The following CPNE1 variants were observed in gnomAD, a reference collection of about 807,000 sequenced individuals.
CPNE1 encodes the protein copine-1.
A neutral mutation model predicts 63.2 loss-of-function variants in CPNE1; 58 were observed. The ratio of observed to expected loss-of-function variants is 0.92; its 90% CI spans 0.74 to 1.14. The LOEUF is 1.14. Ranked by LOEUF, CPNE1 falls within the 50% of genes most tolerant of loss-of-function variation. The pLI, the probability that CPNE1 is intolerant of heterozygous loss-of-function variation, is 0.00. For synonymous variants in CPNE1, 237 were observed against 249.0 expected (o/e 0.95, Z 0.45); for missense variants, 672 against 661.7 (o/e 1.02, Z -0.17).
rs1446271670 is a variant in CPNE1 at position 35,631,720 on chromosome 20, A to T, written c.595T>A (p.Phe199Ile). 1 of 1,614,032 alleles carries T rather than the reference A, an allele frequency of 6.2e-7. No homozygotes were observed. The highest frequency in any genetic ancestry group is 8.5e-7 in the Non-Finnish European group (1 of 1,179,978). The change falls in exon 7 of 16, where the codon TTC becomes ATC. Residue 199 changes from phenylalanine (F) to isoleucine (I), a missense_variant. Coordinates refer to ENST00000397443, the MANE Select transcript of CPNE1 (RefSeq NM_152925.3). ...GGTGTGCTGGGGTTCCCACCACAGA[A>T]ATGCTGAACGGGGACTGAGAAACGC... ...WKRFSVPVQHFCGGNPSTPIQ... is the reference protein window; with the variant it reads ...WKRFSVPVQHICGGNPSTPIQ...
chr20:35,639,953 C>G (rs942162091), intron 1 of CPNE1, among the ~76,000 whole-genome samples: 2 of 152,176 alleles, frequency 1.3e-5, no homozygotes, highest in Admixed American at 1.3e-4. Context: ...CAGAATCAAA[C>G]CCCAGCCATA....
At chr20:35,655,161 C>G (rs1228725956) in intron 1 of CPNE1, 1 of 1,614,080 alleles carries the variant, frequency 6.2e-7, no homozygotes, top group Non-Finnish European at 8.5e-7. Context: ...TCATACCAAG[C>G]CTTGCATCTT....
At chr20:35,632,774 A>C in intron 2 of CPNE1, 21 bp downstream of exon 2, 1 of 871,610 alleles carries the variant, frequency 1.1e-6, no homozygotes, top group Non-Finnish European at 2.0e-6. Flanking sequence ...CCACAACCTT[A>C]ACCTCCATAA....
Position 35,626,282 on chromosome 20 carries a change from G to A in CPNE1, c.1573C>T (p.Pro525Ser). The A allele has an allele frequency of 1.9e-6, 3 of 1,614,020 alleles. No homozygotes were observed. The highest frequency in any genetic ancestry group is 2.2e-5 in the East Asian group (1 of 44,876). The stretch of plus-strand genomic sequence containing the variant: ...TGTGCAGGATCCTTGGCTGAGGGTG[G>A]AAGTGGCTTGAGCGGGGCCCAACCC... Reference protein sequence around the residue: ...AQGWAPLKPLPPSAKDPAQAP... With the variant: ...AQGWAPLKPLSPSAKDPAQAP... The change falls in exon 16 of 16, where the codon CCA (proline) becomes TCA (serine). Residue 525 changes from proline to serine, a missense_variant. By Grantham distance (74) the Pro-to-Ser change is moderately conservative. Coordinates refer to ENST00000397443, the MANE Select transcript of CPNE1 (RefSeq NM_152925.3).
rs776244571 is a variant in CPNE1, at chr20:35,626,310, G to A, written c.1545C>T (p.Ala515=). The change falls in exon 16 of 16, where the codon GCC becomes GCT. Residue 515 remains alanine, a synonymous_variant. Transcript: ENST00000397443. ...GTGGCTTGAGCGGGGCCCAACCCTGGGCCCTGAAGTATGAGACCAGTTGTG... is the reference window on the plus strand; with the variant it reads ...GTGGCTTGAGCGGGGCCCAACCCTGAGCCCTGAAGTATGAGACCAGTTGTG... ...VPTQLVSYFR[A]QGWAPLKPLP... The A allele has an allele frequency of 1.9e-6, 3 of 1,613,916 alleles. No individual in the cohort carries two copies. The highest frequency in any genetic ancestry group is 1.7e-5 in the Admixed American group (1 of 60,000).
At chr20:35,630,397 TTG>T (rs2032040970) in intron 13 of CPNE1, 40 bp downstream of exon 13, 2 of 1,564,072 alleles carry the variant, frequency 1.3e-6, no homozygotes, top group Non-Finnish European at 1.8e-6. Context: ...TTGCCCCTCT[TTG>T]TGTGGACAGA....
At chr20:35,659,109 C>A in intron 1 of CPNE1, 2 of 509,558 alleles carry the variant, frequency 3.9e-6, no homozygotes, top group Admixed American at 3.8e-5. Flanking sequence ...GAGTCTGAAA[C>A]CACCAGAGTA....
In CPNE1 at chr20:35,626,331, T is replaced by G; in HGVS notation, c.1524A>C (p.Gln508His). ...CCTGGGCCCTGAAGTATGAGACCAG[T>G]TGTGTGGGCACTTCTGCGAGCACGG... Reference protein sequence around the residue: ...AQTVLAEVPTQLVSYFRAQGW... With the variant: ...AQTVLAEVPTHLVSYFRAQGW... Residue 508 changes from glutamine to histidine, a missense_variant, in exon 16 of 16, where the codon CAA becomes CAC. Physicochemically the swap from Gln to His is conservative, Grantham distance 24. Transcript: ENST00000397443. 3 of 1,614,022 alleles carry G rather than the reference T, an allele frequency of 1.9e-6. No individual in the cohort carries two copies. Among genetic ancestry groups the G allele is most frequent in the Non-Finnish European group, 2.5e-6 (3 of 1,179,980 alleles).
intron 1 of CPNE1, among the ~76,000 whole-genome samples, chr20:35,658,492 G>A (rs149517316): frequency 8.6e-4 from 131 of 152,238 alleles, no homozygotes; most frequent in African/African-American, 3.0e-3. Context: ...CCTGGGTGGC[G>A]GCTCATGCCT....
rs1488382208 is a variant in CPNE1, at chr20:35,631,974, C to T, written c.508G>A (p.Gly170Arg). Reference sequence around the variant, plus strand: ...GATCTGTACACCAGGTGCCATTTCCCATCACCCTGGCGGAAGAACTCCAGA... The same window carrying T: ...GATCTGTACACCAGGTGCCATTTCCTATCACCCTGGCGGAAGAACTCCAGA... Reference protein sequence around the residue: ...PFLEFFRQGDGKWHLVYRSEV... With the variant: ...PFLEFFRQGDRKWHLVYRSEV... Residue 170 changes from glycine (G) to arginine (R), a missense_variant, in exon 6 of 16, where the codon GGG (glycine) becomes AGG (arginine). Physicochemically the swap from Gly to Arg is moderately radical, Grantham distance 125. Coordinates refer to ENST00000397443, the MANE Select transcript of CPNE1 (RefSeq NM_152925.3). 6.2e-7 allele frequency: 1 copy of T among 1,614,112 alleles called. No homozygotes were observed. The highest frequency in any genetic ancestry group is 2.2e-5 in the East Asian group (1 of 44,872).
intron 1 of CPNE1, chr20:35,651,864 C>T (rs2033545745): frequency 6.6e-6 from 1 of 152,514 alleles, no homozygotes. Context: ...GGTTATAGCA[C>T]AAACGAAGTG....
chr20:35,653,533 T>C (rs750141339), intron 1 of CPNE1: 1 of 1,614,138 alleles, frequency 6.2e-7, no homozygotes, highest in African/African-American at 1.3e-5. Flanking sequence ...CTTACGTGCA[T>C]CATCTTCATT....
intron 1 of CPNE1, chr20:35,654,103 G>A (rs2033732179): frequency 5.6e-6 from 9 of 1,614,216 alleles, no homozygotes; most frequent in Non-Finnish European, 7.6e-6. Flanking sequence ...CCTGGGAAGT[G>A]TCTGAGGAGG....
In CPNE1 at chr20:35,630,777, T is replaced by C. The variant is rs1057472442; in HGVS notation, c.1014A>G (p.Ala338=). ...GGGGAACCTGGGCCCCAAATCCAAA[T>C]GCAGGGAACAGCTTGTCTCTGTGGG... The part of the protein sequence containing the change: ...QDYDSDKLFP[A]FGFGAQVPPD... The change falls in exon 12 of 16, where the codon GCA becomes GCG. Residue 338 remains alanine (A), a synonymous_variant. Coordinates refer to ENST00000397443, the MANE Select transcript of CPNE1 (RefSeq NM_152925.3). 1 of 1,613,506 alleles carries C rather than the reference T, an allele frequency of 6.2e-7. No homozygotes were observed. Among genetic ancestry groups the C allele is most frequent in the East Asian group, 2.2e-5 (1 of 44,876 alleles).
intron 1 of CPNE1, chr20:35,652,527 C>T: frequency 6.2e-7 from 1 of 1,609,872 alleles, no homozygotes; most frequent in South Asian, 1.1e-5. Flanking sequence ...TGAATGGCTA[C>T]CCTAATACAA....
In CPNE1 at chr20:35,626,330, G is replaced by A. The variant is rs772949123; in HGVS notation, c.1525C>T (p.Leu509=). Reference sequence around the variant, plus strand: ...CCCTGGGCCCTGAAGTATGAGACCAGTTGTGTGGGCACTTCTGCGAGCACG... The same window carrying A: ...CCCTGGGCCCTGAAGTATGAGACCAATTGTGTGGGCACTTCTGCGAGCACG... ...QTVLAEVPTQ[L]VSYFRAQGWA... The change falls in exon 16 of 16, where the codon CTG becomes TTG. Residue 509 remains leucine (L), a synonymous_variant. Coordinates refer to ENST00000397443, the MANE Select transcript of CPNE1 (RefSeq NM_152925.3). The A allele has an allele frequency of 2.5e-6, 4 of 1,614,100 alleles. No homozygotes were observed. Among genetic ancestry groups the A allele is most frequent in the Non-Finnish European group, 2.5e-6 (3 of 1,180,006 alleles).
At position 35,632,435 on chromosome 20, in the gene CPNE1, C is replaced by T. The variant is rs781381255; in HGVS notation, c.310-50G>A. 1.9e-6 allele frequency: 3 copies of T among 1,606,624 alleles called. No individual in the cohort carries two copies. The East Asian group carries it at 6.7e-5, about 36-fold the overall frequency. ...TTCAGGATAACAGGCAGGGTTAGGTCCTGCTTGCCCCCTACCTCCAGGCAG... is the reference window on the plus strand; with the variant it reads ...TTCAGGATAACAGGCAGGGTTAGGTTCTGCTTGCCCCCTACCTCCAGGCAG... On this transcript the variant is annotated intron_variant, in intron 3 of 15. Transcript: ENST00000397443.
intron 1 of CPNE1, chr20:35,653,260 G>C: frequency 6.2e-7 from 1 of 1,613,290 alleles, no homozygotes; most frequent in South Asian, 1.1e-5. Flanking sequence ...TCCCGCACCA[G>C]GCAGTCCTGC....
intron 1 of CPNE1, chr20:35,654,165 T>G (rs764037572): frequency 6.2e-7 from 1 of 1,614,222 alleles, no homozygotes; most frequent in South Asian, 1.1e-5. Flanking sequence ...TGATATGGCC[T>G]CCAGCAGCTA....
Sources: allele counts gnomAD v4.1 joint callset (sites outside exome capture counted in the v4.1 genomes callset), GRCh38; gene constraint gnomAD v4.1.1; transcripts MANE v1.5; gene names NCBI Gene and HGNC (gene_info 2026-07-23, HGNC 2026-07-21).